THRB: variants seen among roughly 807,000 people sequenced by gnomAD.
THRB encodes nuclear receptor subfamily 1 group A member 2.
Under a neutral mutation model 47.8 loss-of-function variants are expected in THRB, and 12 were observed. That is an observed-to-expected ratio of 0.25 (90% CI 0.16 to 0.41). The LOEUF is 0.41. THRB is among the 10% of genes least tolerant of loss of function. The pLI, the probability that THRB is intolerant of heterozygous loss-of-function variation, is 1.00. For synonymous variants in THRB, 218 were observed against 212.2 expected (o/e 1.03, Z -0.24); for missense variants, 348 against 589.2 (o/e 0.59, Z 4.24).
At chr3:24,223,690 AAAATT>A (rs1477847366) in intron 4 of THRB, among the ~76,000 whole-genome samples, 1 of 152,174 alleles carries the variant, frequency 6.6e-6, no homozygotes, top group Non-Finnish European at 1.5e-5. Context: ...CAAAGGAAGA[AAAATT>A]AAGGTTAAAT....
At chr3:24,286,668 T>C (rs983733650) in intron 3 of THRB, among the ~76,000 whole-genome samples, 1 of 152,210 alleles carries the variant, frequency 6.6e-6, no homozygotes, top group Admixed American at 6.5e-5. Context: ...GCTTTGTTTA[T>C]TCATGTTGAA....
At chr3:24,168,238 G>A (rs2039913518) in intron 5 of THRB, among the ~76,000 whole-genome samples, 1 of 152,006 alleles carries the variant, frequency 6.6e-6, no homozygotes, top group African/African-American at 2.4e-5. Context: ...CTCACATCCT[G>A]ATAGAAGCAA....
intron 1 of THRB, among the ~76,000 whole-genome samples, chr3:24,380,057 C>A (rs2065584751): frequency 6.7e-6 from 1 of 150,320 alleles, no homozygotes; most frequent in Admixed American, 6.7e-5. Flanking sequence ...TAAATATTGT[C>A]ATCATTTTAC....
intron 1 of THRB, among the ~76,000 whole-genome samples, chr3:24,408,769 C>T (rs1053585591): frequency 6.6e-6 from 1 of 151,690 alleles, no homozygotes; most frequent in African/African-American, 2.4e-5. Flanking sequence ...ATCCAACCAA[C>T]AAGACACATT....
chr3:24,490,862 C>T (rs548569986), intron 1 of THRB, among the ~76,000 whole-genome samples: 7 of 152,244 alleles, frequency 4.6e-5, no homozygotes, highest in Admixed American at 1.3e-4. Flanking sequence ...GTAGCTCAGG[C>T]CCCCAACAAT....
intron 1 of THRB, among the ~76,000 whole-genome samples, chr3:24,380,553 C>T (rs910852720): frequency 2.6e-5 from 4 of 152,130 alleles, no homozygotes; most frequent in Admixed American, 1.3e-4. Context: ...AATGCTTAAC[C>T]ATACTGCCCT....
chr3:24,399,991 GTTTT>G (rs1181888568), intron 1 of THRB, among the ~76,000 whole-genome samples: 2 of 152,106 alleles, frequency 1.3e-5, no homozygotes, highest in African/African-American at 4.8e-5. Context: ...TATAAAAACT[GTTTT>G]CAAATTCCTT....
At chr3:24,426,177 A>C (rs2069740193) in intron 1 of THRB, among the ~76,000 whole-genome samples, 1 of 151,972 alleles carries the variant, frequency 6.6e-6, no homozygotes, top group Non-Finnish European at 1.5e-5. Flanking sequence ...TCGATAATCT[A>C]TCTGGCATTT....
intron 3 of THRB, among the ~76,000 whole-genome samples, chr3:24,273,636 T>C (rs894574853): frequency 5.9e-5 from 9 of 152,240 alleles, no homozygotes; most frequent in African/African-American, 1.9e-4. Context: ...CCTGATTTCA[T>C]ATGAGTGTTT....
intron 3 of THRB, among the ~76,000 whole-genome samples, chr3:24,279,620 C>T (rs758126419): frequency 6.0e-5 from 9 of 149,970 alleles, no homozygotes; most frequent in Non-Finnish European, 1.3e-4. Flanking sequence ...TGGTCTCTAT[C>T]TCCTGACCTC....
chr3:24,314,086 G>T (rs2057947938), intron 2 of THRB, among the ~76,000 whole-genome samples: 2 of 152,138 alleles, frequency 1.3e-5, no homozygotes, highest in South Asian at 4.2e-4. Flanking sequence ...ACTGAGATAG[G>T]CGTTTTATAC....
chr3:24,408,085 T>C (rs184608158), intron 1 of THRB, among the ~76,000 whole-genome samples: 2 of 151,994 alleles, frequency 1.3e-5, no homozygotes, highest in East Asian at 2.0e-4. Context: ...TTCTGTCAGA[T>C]TGAACAACTG....
In THRB at chr3:24,280,819, C is replaced by G. The variant is rs1045841417; in HGVS notation, c.-43+16407G>C. On this transcript the variant is annotated intron_variant, in intron 3 of 10. Coordinates refer to ENST00000646209, the MANE Select transcript of THRB (RefSeq NM_001354712.2). ...AAGCCTCAGGAGCCCATGCGATCAA[C>G]TGGAAGAAAGGGTATCAGTGATGGA... 4.2e-3 allele frequency among the ~76,000 whole-genome samples: 631 copies of G among 152,030 alleles called. 8 individuals carry two copies. The highest frequency in any genetic ancestry group is 0.013 in the African/African-American group (558 of 41,440).
chr3:24,319,431 T>C (rs1389493171), intron 2 of THRB, among the ~76,000 whole-genome samples: 4 of 152,202 alleles, frequency 2.6e-5, no homozygotes, highest in Non-Finnish European at 4.4e-5. Flanking sequence ...GGTATGAATC[T>C]TACAAATGTT....
chr3:24,142,308 A>T (rs1001883483), intron 8 of THRB, among the ~76,000 whole-genome samples: 1 of 152,246 alleles, frequency 6.6e-6, no homozygotes, highest in Non-Finnish European at 1.5e-5. Flanking sequence ...GGTAAAGGCC[A>T]TCTAGGTATT....
chr3:24,365,912 A>C (rs2064423997), intron 1 of THRB, among the ~76,000 whole-genome samples: 1 of 152,196 alleles, frequency 6.6e-6, no homozygotes, highest in South Asian at 2.1e-4. Context: ...ATGTAAAAGA[A>C]AATTCAAGTA....
At chr3:24,351,342 C>T (rs1428687599) in intron 1 of THRB, among the ~76,000 whole-genome samples, 3 of 152,012 alleles carry the variant, frequency 2.0e-5, no homozygotes, top group African/African-American at 4.8e-5. Context: ...CAATGCCCTC[C>T]GATATTCTGT....
chr3:24,452,914 C>T (rs1458064721), intron 1 of THRB, among the ~76,000 whole-genome samples: 1 of 152,086 alleles, frequency 6.6e-6, no homozygotes, highest in Non-Finnish European at 1.5e-5. Flanking sequence ...TATTTCAGTT[C>T]GAATTTGAAT....
At chr3:24,293,140 G>C (rs2150995949) in intron 3 of THRB, among the ~76,000 whole-genome samples, 1 of 152,260 alleles carries the variant, frequency 6.6e-6, no homozygotes, top group South Asian at 2.1e-4. Context: ...AAAGTTCCTG[G>C]CCATCATCAT....
Sources: allele counts gnomAD v4.1 joint callset (sites outside exome capture counted in the v4.1 genomes callset), GRCh38; gene constraint gnomAD v4.1.1; transcripts MANE v1.5; gene names NCBI Gene and HGNC (gene_info 2026-07-23, HGNC 2026-07-21).